The following PEPD variants were observed in gnomAD, a reference collection of about 807,000 sequenced individuals.
PEPD encodes the protein peptidase D, also known as xaa-Pro dipeptidase.
Under a neutral mutation model 60.7 loss-of-function variants are expected in PEPD, and 53 were observed. The ratio of observed to expected loss-of-function variants is 0.87; its 90% confidence interval spans 0.70 to 1.10. PEPD has a LOEUF of 1.10. Ranked by LOEUF, PEPD falls within the 50% of genes least tolerant of loss-of-function variation. The pLI is 0.00. For synonymous variants in PEPD, 267 were observed against 284.1 expected (o/e 0.94, Z 0.60); for missense variants, 711 against 711.9 (o/e 1.00, Z 0.01).
chr19:33,430,031 C>T (rs1055181921), intron 9 of PEPD, among the ~76,000 whole-genome samples: 5 of 152,212 alleles, frequency 3.3e-5, no homozygotes, highest in Non-Finnish European at 4.4e-5. Flanking sequence ...GTGTCCTGCA[C>T]GCTGGCTGAG....
chr19:33,408,692 T>C (rs1332129823), intron 11 of PEPD, among the ~76,000 whole-genome samples: 2 of 152,190 alleles, frequency 1.3e-5, no homozygotes, highest in African/African-American at 4.8e-5. Flanking sequence ...GAGCAGGCCA[T>C]TGCAGCAGGC....
intron 1 of PEPD, among the ~76,000 whole-genome samples, chr19:33,515,279 G>GACAGGA (rs1204482132): frequency 6.6e-6 from 1 of 152,108 alleles, no homozygotes; most frequent in African/African-American, 2.4e-5. Context: ...AGGAAGGGTG[G>GACAGGA]AGGGTCAGAA....
chr19:33,422,117 G>A (rs536646673), intron 9 of PEPD, among the ~76,000 whole-genome samples: 47 of 152,048 alleles, frequency 3.1e-4, no homozygotes, highest in African/African-American at 1.1e-3. Flanking sequence ...CGAACTCCGC[G>A]CTGCTCCTGG....
chr19:33,508,377 C>T (rs1222345241), intron 3 of PEPD, among the ~76,000 whole-genome samples: 4 of 152,234 alleles, frequency 2.6e-5, no homozygotes, highest in Non-Finnish European at 5.9e-5. Context: ...GGAGAATCCT[C>T]CTGCAGAAAG....
chr19:33,402,781 G>C (rs1279728311), intron 11 of PEPD, among the ~76,000 whole-genome samples: 1 of 152,190 alleles, frequency 6.6e-6, no homozygotes, highest in Non-Finnish European at 1.5e-5. Context: ...GTCCAGGACG[G>C]GAGGGGCCTG....
intron 5 of PEPD, among the ~76,000 whole-genome samples, chr19:33,492,011 G>C (rs184545873): frequency 8.7e-6 from 1 of 115,598 alleles, no homozygotes; most frequent in African/African-American, 3.3e-5. Flanking sequence ...TCTTTGAAGA[G>C]AAACCTCTAC....
chr19:33,464,835 C>T (rs1364262237), intron 7 of PEPD, among the ~76,000 whole-genome samples: 5 of 152,252 alleles, frequency 3.3e-5, no homozygotes, highest in African/African-American at 1.2e-4. Context: ...TCAATCTCAC[C>T]CGCGAGTAAG....
intron 6 of PEPD, among the ~76,000 whole-genome samples, chr19:33,489,753 G>GCC (rs1970462988): frequency 6.6e-6 from 1 of 152,156 alleles, no homozygotes; most frequent in Non-Finnish European, 1.5e-5. Flanking sequence ...CCCTGCCCCT[G>GCC]CCCTGGCCAG....
intron 1 of PEPD, among the ~76,000 whole-genome samples, chr19:33,515,597 T>C (rs890618865): frequency 6.6e-6 from 1 of 151,798 alleles, no homozygotes; most frequent in Admixed American, 6.6e-5. Flanking sequence ...GGAAAGCCCA[T>C]GGTGGGATGG....
intron 4 of PEPD, among the ~76,000 whole-genome samples, chr19:33,498,231 C>A (rs960490610): frequency 1.3e-5 from 2 of 152,110 alleles, no homozygotes; most frequent in African/African-American, 2.4e-5. Context: ...ATGGCAGTGG[C>A]GTTGACGGGG....
At chr19:33,426,960 C>T (rs915439757) in intron 9 of PEPD, among the ~76,000 whole-genome samples, 5 of 152,210 alleles carry the variant, frequency 3.3e-5, no homozygotes, top group African/African-American at 1.2e-4. Flanking sequence ...GGCAGGGCCC[C>T]TCCACCGCGT....
At position 33,496,472 on chromosome 19, in the gene PEPD, G is replaced by C. The variant is rs529523966; in HGVS notation, c.394-3135C>G. Among the ~76,000 whole-genome samples the C allele has an allele frequency of 1.8e-3, 267 of 152,192 alleles. 1 individual carries two copies. The highest frequency in any genetic ancestry group is 6.3e-3 in the African/African-American group (262 of 41,518). ...TTCTGCGGCTGCAAAAACCTCTCCCGACCTGGCAGCTCCACCCGCCCTTCC... is the reference window on the plus strand; with the variant it reads ...TTCTGCGGCTGCAAAAACCTCTCCCCACCTGGCAGCTCCACCCGCCCTTCC... On this transcript the variant is annotated intron_variant, in intron 4 of 14. Coordinates refer to ENST00000244137, the MANE Select transcript of PEPD (RefSeq NM_000285.4).
intron 9 of PEPD, among the ~76,000 whole-genome samples, chr19:33,448,702 G>A (rs895725425): frequency 6.6e-6 from 1 of 152,072 alleles, no homozygotes; most frequent in African/African-American, 2.4e-5. Context: ...GAGGTGACGG[G>A]GAGCGGTGGG....
intron 7 of PEPD, among the ~76,000 whole-genome samples, chr19:33,467,683 G>T (rs1215843036): frequency 2.6e-5 from 4 of 152,178 alleles, no homozygotes; most frequent in African/African-American, 7.2e-5. Context: ...ATGGCCCAAA[G>T]AATTCGCTTT....
At position 33,387,354 on chromosome 19, in the gene PEPD, C is replaced by T; in HGVS notation, c.1472G>A (p.Gly491Asp). 1 of 1,613,912 alleles carries T rather than the reference C, an allele frequency of 6.2e-7. No homozygotes were observed. The highest frequency in any genetic ancestry group is 2.2e-5 in the East Asian group (1 of 44,876). ...GCDKAFTPFSGPK is the reference protein window; with the variant it reads ...GCDKAFTPFSDPK ...GATTTCTGGCTGGCTCTACTTGGGGCCAGAGAAGGGGGTAAAGGCCTTGTC... is the reference window on the plus strand; with the variant it reads ...GATTTCTGGCTGGCTCTACTTGGGGTCAGAGAAGGGGGTAAAGGCCTTGTC... Residue 491 changes from glycine to aspartate, a missense_variant, in exon 15 of 15, where the codon GGC becomes GAC. By Grantham distance (94) the Gly-to-Asp change is moderately conservative. Coordinates refer to ENST00000244137, the MANE Select transcript of PEPD (RefSeq NM_000285.4).
At chr19:33,410,584 GA>G (rs1968741237) in intron 11 of PEPD, among the ~76,000 whole-genome samples, 1 of 152,236 alleles carries the variant, frequency 6.6e-6, no homozygotes, top group Non-Finnish European at 1.5e-5. Flanking sequence ...CCCGCTGGAG[GA>G]GCTGGCACAT....
chr19:33,394,406 T>G (rs868156803), intron 12 of PEPD, among the ~76,000 whole-genome samples: 3 of 151,632 alleles, frequency 2.0e-5, no homozygotes, highest in South Asian at 4.2e-4. Flanking sequence ...GGCCCGGGGG[T>G]CCCCTTGGCG....
chr19:33,507,683 C>T (rs985980867), intron 3 of PEPD, among the ~76,000 whole-genome samples: 18 of 152,294 alleles, frequency 1.2e-4, no homozygotes, highest in African/African-American at 3.6e-4. Context: ...CAGGTACTCC[C>T]GTCAGCCTCG....
At chr19:33,498,750 G>C (rs1273566642) in intron 4 of PEPD, among the ~76,000 whole-genome samples, 1 of 151,202 alleles carries the variant, frequency 6.6e-6, no homozygotes, top group African/African-American at 2.4e-5. Flanking sequence ...CTGGAGGCAG[G>C]TGCCCATCCC....
Sources: allele counts gnomAD v4.1 joint callset (sites outside exome capture counted in the v4.1 genomes callset), GRCh38; gene constraint gnomAD v4.1.1; transcripts MANE v1.5; gene names NCBI Gene and HGNC (gene_info 2026-07-23, HGNC 2026-07-21).